Variants in ARB2A observed in about 807,000 individuals in gnomAD.
ARB2A encodes cotranscriptional regulator ARB2A.
chr5:93,999,723 G>C, the ARB2A span, among the ~76,000 whole-genome samples: 1 of 151,960 alleles, frequency 6.6e-6, no homozygotes, highest in Non-Finnish European at 1.5e-5. Flanking sequence ...TCTTGGTGCT[G>C]TACTTTCTAT....
At chr5:94,074,848 C>A in the ARB2A span, 1 of 864,420 alleles carries the variant, frequency 1.2e-6, no homozygotes, top group Non-Finnish European at 1.8e-6. Flanking sequence ...TCCTCCCAGT[C>A]AGGATTAATC....
chr5:93,659,913 C>T, the ARB2A span, among the ~76,000 whole-genome samples: 1 of 152,112 alleles, frequency 6.6e-6, no homozygotes, highest in Non-Finnish European at 1.5e-5. Flanking sequence ...ACTTTGTCAC[C>T]TTGTAATTCC....
At chr5:93,804,776 A>G in the ARB2A span, 1 of 486,638 alleles carries the variant, frequency 2.1e-6, no homozygotes, top group Admixed American at 6.4e-5. Flanking sequence ...CTCAGAAAAG[A>G]AATGCTTTTG....
At chr5:93,660,312 T>C in the ARB2A span, among the ~76,000 whole-genome samples, 1 of 152,070 alleles carries the variant, frequency 6.6e-6, no homozygotes, top group Non-Finnish European at 1.5e-5. Context: ...CCTAGGCAAT[T>C]TGACTGTGGC....
the ARB2A span, chr5:93,621,145 C>T: frequency 1.9e-6 from 3 of 1,591,836 alleles, no homozygotes; most frequent in East Asian, 7.1e-5. Flanking sequence ...AAGAACAACA[C>T]ATTCGGTTAC....
the ARB2A span, among the ~76,000 whole-genome samples, chr5:93,786,598 G>C: frequency 1.1e-4 from 17 of 152,140 alleles, no homozygotes; most frequent in African/African-American, 4.1e-4. Flanking sequence ...TGACTGTTTA[G>C]GATTAGTAGA....
chr5:93,815,764 T>G, the ARB2A span, among the ~76,000 whole-genome samples: 1 of 152,188 alleles, frequency 6.6e-6, no homozygotes, highest in African/African-American at 2.4e-5. Flanking sequence ...ATAGGCACTC[T>G]TAAAACCAAT....
the ARB2A span, among the ~76,000 whole-genome samples, chr5:93,914,538 A>C: frequency 6.6e-6 from 1 of 151,996 alleles, no homozygotes; most frequent in South Asian, 2.1e-4. Flanking sequence ...AATTTATCTG[A>C]AAATTACATT....
the ARB2A span, among the ~76,000 whole-genome samples, chr5:93,958,226 T>C: frequency 1.3e-5 from 2 of 152,198 alleles, no homozygotes; most frequent in East Asian, 3.9e-4. Context: ...ATTCTGTATG[T>C]CTATGTCTCA....
chr5:93,970,296 A>T, the ARB2A span, among the ~76,000 whole-genome samples: 1 of 152,114 alleles, frequency 6.6e-6, no homozygotes, highest in East Asian at 1.9e-4. Flanking sequence ...TTTAAACGTA[A>T]AGGTGGATAA....
At chr5:93,833,438 G>GT in the ARB2A span, among the ~76,000 whole-genome samples, 9 of 152,182 alleles carry the variant, frequency 5.9e-5, no homozygotes, top group East Asian at 7.7e-4. Flanking sequence ...TGGATAAAGC[G>GT]TAAGTATCCA....
At chr5:93,913,535 A>G in the ARB2A span, among the ~76,000 whole-genome samples, 1 of 151,934 alleles carries the variant, frequency 6.6e-6, no homozygotes, top group Non-Finnish European at 1.5e-5. Flanking sequence ...GCCGAATGAA[A>G]AACTGATTTC....
chr5:94,011,772 G>A, the ARB2A span, among the ~76,000 whole-genome samples: 1 of 151,518 alleles, frequency 6.6e-6, no homozygotes, highest in African/African-American at 2.4e-5. Context: ...GTCTAGTCCA[G>A]AGCAGAAAGA....
At chr5:93,916,081 G>T in the ARB2A span, among the ~76,000 whole-genome samples, 15 of 152,004 alleles carry the variant, frequency 9.9e-5, no homozygotes, top group Non-Finnish European at 2.2e-4. Context: ...GAAAAGAAAC[G>T]TTTCATCAGT....
chr5:93,764,306 A>G, the ARB2A span, among the ~76,000 whole-genome samples: 1 of 152,228 alleles, frequency 6.6e-6, no homozygotes, highest in Admixed American at 6.5e-5. Context: ...CGCTAGCAAG[A>G]CTAACAAAGA....
chr5:93,867,292 T>C, the ARB2A span, among the ~76,000 whole-genome samples: 6 of 152,228 alleles, frequency 3.9e-5, no homozygotes, highest in African/African-American at 1.4e-4. Context: ...TTTAAAGTTA[T>C]TAAATATGAT....
chr5:93,667,732 C>G, the ARB2A span, among the ~76,000 whole-genome samples: 1 of 152,090 alleles, frequency 6.6e-6, no homozygotes, highest in African/African-American at 2.4e-5. Flanking sequence ...GCATGAGATA[C>G]CATTCTCAGC....
chr5:93,863,900 T>A, the ARB2A span: 21 of 152,262 alleles, frequency 1.4e-4, no homozygotes, highest in Admixed American at 5.2e-4. Flanking sequence ...TAAAAAAGTA[T>A]TTATTTTCTC....
At chr5:93,781,164 C>T in the ARB2A span, among the ~76,000 whole-genome samples, 1 of 152,098 alleles carries the variant, frequency 6.6e-6, no homozygotes, top group Non-Finnish European at 1.5e-5. Context: ...CCTTCATCTT[C>T]CACCTTCCAC....
Sources: allele counts gnomAD v4.1 joint callset (sites outside exome capture counted in the v4.1 genomes callset), GRCh38; gene constraint gnomAD v4.1.1; transcripts MANE v1.5; gene names NCBI Gene and HGNC (gene_info 2026-07-23, HGNC 2026-07-21).